The following ANK3 variants were observed in gnomAD, a reference collection of about 807,000 sequenced individuals.
The protein encoded by ANK3 is ankyrin 3.
Under a neutral mutation model 370.9 loss-of-function variants are expected in ANK3, and 57 were observed. That is an observed-to-expected ratio of 0.15 (90% CI 0.12 to 0.19). ANK3 has a LOEUF of 0.19. ANK3 is among the 10% of genes least tolerant of loss of function. The pLI is 1.00. For missense variants in ANK3, 4,439 were observed against 5,302.1 expected (o/e 0.84, Z 5.06); for synonymous variants, 1,929 against 1,946.3 (o/e 0.99, Z 0.23).
intron 2 of ANK3, among the ~76,000 whole-genome samples, chr10:60,431,192 C>T (rs1305045536): frequency 1.3e-5 from 2 of 152,158 alleles, no homozygotes; most frequent in Admixed American, 6.5e-5. Flanking sequence ...ACTAGATGGT[C>T]CCATCTGGGG....
intron 7 of ANK3, among the ~76,000 whole-genome samples, chr10:60,241,209 T>G (rs1361448652): frequency 6.6e-6 from 1 of 152,174 alleles, no homozygotes; most frequent in Non-Finnish European, 1.5e-5. Flanking sequence ...ATATTAAGTA[T>G]GGCTAGAATT....
At chr10:60,477,723 T>C (rs2075109708) in intron 2 of ANK3, among the ~76,000 whole-genome samples, 1 of 151,894 alleles carries the variant, frequency 6.6e-6, no homozygotes, top group Non-Finnish European at 1.5e-5. Flanking sequence ...GCCCAGGAAG[T>C]TCCCACATAA....
chr10:60,667,189 T>C (rs201623140), intron 1 of ANK3, among the ~76,000 whole-genome samples: 7 of 506 alleles, frequency 0.014, no homozygotes, highest in Non-Finnish European at 0.022. Context: ...TATATCATAT[T>C]ATATTATATT....
At chr10:60,603,574 G>T (rs1025793811) in intron 2 of ANK3, among the ~76,000 whole-genome samples, 1 of 151,988 alleles carries the variant, frequency 6.6e-6, no homozygotes, top group Admixed American at 6.6e-5. Flanking sequence ...GCCATTTGCA[G>T]AAAAAATGCT....
intron 1 of ANK3, among the ~76,000 whole-genome samples, chr10:60,706,052 G>A (rs1589055318): frequency 6.6e-6 from 1 of 152,038 alleles, no homozygotes; most frequent in South Asian, 2.1e-4. Context: ...TTAAACTCCT[G>A]GGCTCAAGCA....
chr10:60,128,813 C>A (rs374296880), intron 25 of ANK3, among the ~76,000 whole-genome samples: 31 of 152,294 alleles, frequency 2.0e-4, no homozygotes, highest in East Asian at 7.7e-4. Flanking sequence ...GTTTTCACCA[C>A]CACCATAAGT....
chr10:60,586,311 C>G (rs567315347), intron 2 of ANK3, among the ~76,000 whole-genome samples: 1 of 152,132 alleles, frequency 6.6e-6, no homozygotes, highest in Non-Finnish European at 1.5e-5. Flanking sequence ...TGAGTCTAAT[C>G]GAGAAATTTC....
chr10:60,682,019 T>C (rs2079202547), intron 1 of ANK3, among the ~76,000 whole-genome samples: 2 of 152,232 alleles, frequency 1.3e-5, no homozygotes, highest in South Asian at 4.1e-4. Context: ...GGCATGATGG[T>C]ACCTGTGGTC....
chr10:60,515,138 G>C (rs1349352550), intron 2 of ANK3, among the ~76,000 whole-genome samples: 1 of 152,146 alleles, frequency 6.6e-6, no homozygotes. Context: ...TAGGTAATGT[G>C]TTATATTAGA....
At chr10:60,704,667 G>T (rs2079590035) in intron 1 of ANK3, among the ~76,000 whole-genome samples, 1 of 152,178 alleles carries the variant, frequency 6.6e-6, no homozygotes. Flanking sequence ...TCTAGGAAAT[G>T]AGTGTGAATG....
intron 7 of ANK3, among the ~76,000 whole-genome samples, chr10:60,240,306 A>ATATATATATATATT (rs11282162): frequency 5.0e-5 from 6 of 119,770 alleles, no homozygotes; most frequent in Non-Finnish European, 6.8e-5. Flanking sequence ...ATATATATAT[A>ATATATATATATATT]TTTTTTTTTC....
At chr10:60,643,314 T>G (rs1183706831) in intron 1 of ANK3, among the ~76,000 whole-genome samples, 1 of 152,114 alleles carries the variant, frequency 6.6e-6, no homozygotes, top group African/African-American at 2.4e-5. Context: ...GAGAAAAATG[T>G]AAAAACGTGA....
intron 1 of ANK3, among the ~76,000 whole-genome samples, chr10:60,731,767 C>T (rs867625849): frequency 6.6e-6 from 1 of 152,180 alleles, no homozygotes; most frequent in African/African-American, 2.4e-5. Context: ...GACTGCCTCC[C>T]TATAAAGCCT....
intron 25 of ANK3, among the ~76,000 whole-genome samples, chr10:60,125,188 G>T (rs746271285): frequency 6.6e-6 from 1 of 152,082 alleles, no homozygotes; most frequent in Non-Finnish European, 1.5e-5. Context: ...TTTTCTTGAA[G>T]TCAACTATTA....
intron 4 of ANK3, among the ~76,000 whole-genome samples, chr10:60,276,726 C>T (rs770095281): frequency 6.6e-6 from 1 of 152,142 alleles, no homozygotes; most frequent in African/African-American, 2.4e-5. Flanking sequence ...CATTAATAGT[C>T]AATAATGGAT....
intron 43 of ANK3, among the ~76,000 whole-genome samples, chr10:60,033,425 G>A (rs2074146887): frequency 7.1e-6 from 1 of 140,364 alleles, no homozygotes. Flanking sequence ...TGAGGCAGGA[G>A]AATTGCTTGA....
chr10:60,205,935 A>G (rs1464723275), intron 10 of ANK3, 45 bp from the exon 11 acceptor site: 1 of 1,280,464 alleles, frequency 7.8e-7, no homozygotes, highest in Non-Finnish European at 1.1e-6. Context: ...CATTCCATCA[A>G]AATCCAGTTT....
At chr10:60,519,324 C>T (rs570991148) in intron 2 of ANK3, among the ~76,000 whole-genome samples, 1 of 152,096 alleles carries the variant, frequency 6.6e-6, no homozygotes, top group African/African-American at 2.4e-5. Flanking sequence ...ATTTAAGACA[C>T]TAGACAGGTG....
In ANK3 at chr10:60,055,764, G is replaced by C; in HGVS notation, c.12959C>G (p.Pro4320Arg). The C allele has an allele frequency of 1.2e-6, 2 of 1,614,126 alleles. No individual in the cohort carries two copies. Among genetic ancestry groups the C allele is most frequent in the Non-Finnish European group, 8.5e-7 (1 of 1,180,012 alleles). Residue 4320 changes from proline (P) to arginine (R), a missense_variant, in exon 42 of 44, where the codon CCC (proline) becomes CGC (arginine). Pro to Arg is a moderately radical substitution (Grantham distance 103, BLOSUM62 -2). Around this residue, in one of 13 missense-constraint regions of ANK3, gnomAD observed 242 missense variants for 228.0 expected, o/e 1.06. Transcript: ENST00000280772. ...CTTTTTCATACTGACAGGCACACAG[G>C]GTTTAGTCTCTTCTATTATAAGCTT... ...TSKLIIEETK[P>R]CVPVSMKKMS...
Sources: allele counts gnomAD v4.1 joint callset (sites outside exome capture counted in the v4.1 genomes callset), GRCh38; gene constraint gnomAD v4.1.1; regional missense constraint gnomAD v4.1.1; transcripts MANE v1.5; gene names NCBI Gene and HGNC (gene_info 2026-07-23, HGNC 2026-07-21).